HEMK2: variants seen among roughly 807,000 people sequenced by gnomAD.
HEMK2 encodes methyltransferase HEMK2.
the HEMK2 span, among the ~76,000 whole-genome samples, chr21:28,594,159 T>A: frequency 6.6e-6 from 1 of 152,264 alleles, no homozygotes; most frequent in South Asian, 2.1e-4. Context: ...TTACAAAATA[T>A]CTGATCAGTA....
chr21:28,702,747 T>C, the HEMK2 span, among the ~76,000 whole-genome samples: 1 of 152,104 alleles, frequency 6.6e-6, no homozygotes, highest in Admixed American at 6.6e-5. Context: ...GGAAAGCAGT[T>C]TGGTGATTTC....
the HEMK2 span, among the ~76,000 whole-genome samples, chr21:28,695,137 G>C: frequency 6.6e-6 from 1 of 152,118 alleles, no homozygotes; most frequent in Non-Finnish European, 1.5e-5. Flanking sequence ...GATGCAGTTA[G>C]TGCTTAATAT....
At chr21:28,696,635 C>T in the HEMK2 span, among the ~76,000 whole-genome samples, 1 of 152,210 alleles carries the variant, frequency 6.6e-6, no homozygotes, top group Non-Finnish European at 1.5e-5. Flanking sequence ...CTCACAGCTC[C>T]TCTAAGCAGT....
the HEMK2 span, among the ~76,000 whole-genome samples, chr21:28,782,857 T>C: frequency 6.6e-6 from 1 of 152,196 alleles, no homozygotes; most frequent in African/African-American, 2.4e-5. Context: ...TCAATAATTA[T>C]ACCTCAGTGG....
the HEMK2 span, among the ~76,000 whole-genome samples, chr21:28,732,514 T>C: frequency 1.3e-5 from 2 of 152,192 alleles, no homozygotes; most frequent in Non-Finnish European, 2.9e-5. Flanking sequence ...GGCAGAATAC[T>C]GTGGGTTGTG....
At chr21:28,695,986 A>G in the HEMK2 span, among the ~76,000 whole-genome samples, 1 of 152,114 alleles carries the variant, frequency 6.6e-6, no homozygotes, top group African/African-American at 2.4e-5. Flanking sequence ...ATATATATAT[A>G]TAAAGGTTGA....
the HEMK2 span, among the ~76,000 whole-genome samples, chr21:28,809,932 G>A: frequency 2.6e-5 from 4 of 152,220 alleles, no homozygotes; most frequent in Non-Finnish European, 5.9e-5. Flanking sequence ...CCATTTCTGG[G>A]CACAAATTTC....
chr21:28,868,273 C>A, the HEMK2 span, among the ~76,000 whole-genome samples: 1 of 152,124 alleles, frequency 6.6e-6, no homozygotes, highest in Non-Finnish European at 1.5e-5. Context: ...ATGAAAAACA[C>A]TTTTGAGATT....
At chr21:28,790,985 TA>T in the HEMK2 span, among the ~76,000 whole-genome samples, 6 of 151,612 alleles carry the variant, frequency 4.0e-5, no homozygotes, top group African/African-American at 9.7e-5. Context: ...AGTATAATAA[TA>T]AAAAAAAGAA....
the HEMK2 span, among the ~76,000 whole-genome samples, chr21:28,731,163 T>C: frequency 1.3e-5 from 2 of 152,164 alleles, no homozygotes; most frequent in Non-Finnish European, 2.9e-5. Flanking sequence ...AGCAGATCTT[T>C]TCAAATCGAA....
chr21:28,781,779 T>C, the HEMK2 span, among the ~76,000 whole-genome samples: 4 of 152,234 alleles, frequency 2.6e-5, no homozygotes, highest in African/African-American at 9.6e-5. Flanking sequence ...CCCACATGGC[T>C]GATCTTCAGT....
the HEMK2 span, among the ~76,000 whole-genome samples, chr21:28,832,041 G>T: frequency 6.6e-6 from 1 of 152,182 alleles, no homozygotes; most frequent in Admixed American, 6.5e-5. Flanking sequence ...GTATATTTAT[G>T]TAGCACTCTC....
At chr21:28,675,198 T>C in the HEMK2 span, among the ~76,000 whole-genome samples, 1 of 152,256 alleles carries the variant, frequency 6.6e-6, no homozygotes, top group Admixed American at 6.5e-5. Context: ...AGTAAACTTA[T>C]TCCTCTTTTA....
At chr21:28,698,858 A>ATCTATCTAG in the HEMK2 span, among the ~76,000 whole-genome samples, 1 of 152,206 alleles carries the variant, frequency 6.6e-6, no homozygotes, top group African/African-American at 2.4e-5. Context: ...TAGATCAATT[A>ATCTATCTAG]TGTTTTTAAA....
chr21:28,635,730 T>C, the HEMK2 span, among the ~76,000 whole-genome samples: 1 of 152,110 alleles, frequency 6.6e-6, no homozygotes, highest in South Asian at 2.1e-4. Flanking sequence ...ACTCCATTAC[T>C]AAGTTGCAGA....
chr21:28,620,924 G>A, the HEMK2 span, among the ~76,000 whole-genome samples: 6 of 151,664 alleles, frequency 4.0e-5, no homozygotes, highest in South Asian at 8.3e-4. Context: ...TGCCCACCTC[G>A]GCCTCCCAAA....
chr21:28,587,172 A>G, the HEMK2 span, among the ~76,000 whole-genome samples: 3 of 64,038 alleles, frequency 4.7e-5, no homozygotes, highest in African/African-American at 7.4e-5. Flanking sequence ...ACAAGGAAAT[A>G]AACAAAAAAA....
the HEMK2 span, among the ~76,000 whole-genome samples, chr21:28,764,020 C>T: frequency 6.6e-6 from 1 of 152,072 alleles, no homozygotes; most frequent in African/African-American, 2.4e-5. Flanking sequence ...CTGGCAGAAC[C>T]AAACCTCAGC....
chr21:28,650,926 C>T, the HEMK2 span, among the ~76,000 whole-genome samples: 1 of 151,946 alleles, frequency 6.6e-6, no homozygotes. Flanking sequence ...CAAAAAAGAA[C>T]CATCAAAGGA....
Sources: allele counts gnomAD v4.1 joint callset (sites outside exome capture counted in the v4.1 genomes callset), GRCh38; gene constraint gnomAD v4.1.1; transcripts MANE v1.5; gene names NCBI Gene and HGNC (gene_info 2026-07-23, HGNC 2026-07-21).